The following SCAF4 variants were observed in gnomAD, a reference collection of about 807,000 sequenced individuals.
SCAF4 encodes the protein SR-related CTD associated factor 4.
In SCAF4, 25 loss-of-function variants were observed where a neutral mutation model predicts 129.8. The observed-to-expected ratio is 0.19, with a 90% CI of 0.14 to 0.27. The LOEUF (loss-of-function observed/expected upper bound fraction) is 0.27. Among genes scored for constraint, SCAF4 ranks in the 10% least tolerant of loss-of-function variants. SCAF4 has a pLI of 1.00. For missense variants in SCAF4, 1,246 were observed against 1,457.1 expected (o/e 0.86, Z 2.36); for synonymous variants, 551 against 497.7 (o/e 1.11, Z -1.43).
intron 1 of SCAF4, among the ~76,000 whole-genome samples, chr21:31,722,869 C>A (rs948562703): frequency 6.6e-6 from 1 of 152,272 alleles, no homozygotes; most frequent in Admixed American, 6.5e-5. Context: ...AAGGAAACCG[C>A]TTGAACCCAG....
At chr21:31,726,100 C>T (rs1334968115) in intron 1 of SCAF4, among the ~76,000 whole-genome samples, 2 of 150,882 alleles carry the variant, frequency 1.3e-5, no homozygotes, top group African/African-American at 4.9e-5. Context: ...GGCTGGAGTG[C>T]AGTGGCGCGA....
intron 6 of SCAF4, among the ~76,000 whole-genome samples, chr21:31,701,395 T>A (rs1415237883): frequency 1.3e-5 from 2 of 152,166 alleles, no homozygotes; most frequent in Admixed American, 6.5e-5. Context: ...ATGTCAATGA[T>A]ATGATGGTCA....
chr21:31,732,035 G>C lies in SCAF4; in HGVS notation c.-343C>G, dbSNP rs571902172. ...CTCACGCACTGGCTCACACTGGCCC[G>C]GCCGGCGAGCGGGCGGGCCTCTCTC... On this transcript the variant is annotated 5_prime_UTR_variant, in exon 1 of 20. Transcript: ENST00000286835. 704 of 432,914 alleles carry C rather than the reference G, an allele frequency of 1.6e-3. 2 individuals carry two copies. Among genetic ancestry groups the C allele is most frequent in the Middle Eastern group, 4.6e-3 (8 of 1,734 alleles). 26.8% of individuals were successfully genotyped at this position (432,914 alleles called of 1,614,324 possible). A position where few individuals can be genotyped will look rare whatever the true frequency, so the allele number is the denominator to read the frequency against.
intron 1 of SCAF4, among the ~76,000 whole-genome samples, chr21:31,720,656 C>T: frequency 6.6e-6 from 1 of 152,188 alleles, no homozygotes. Context: ...CGCCAAACTT[C>T]TCTAGTTTCC....
chr21:31,692,545 C>T, intron 12 of SCAF4, 96 bp from the exon 13 acceptor site: 4 of 768,520 alleles, frequency 5.2e-6, no homozygotes, highest in Non-Finnish European at 6.4e-6. Context: ...TATTCATGAA[C>T]TATATTACAA....
At chr21:31,696,414 A>G (rs906015939) in intron 8 of SCAF4, among the ~76,000 whole-genome samples, 155 bp downstream of exon 8, 1 of 152,206 alleles carries the variant, frequency 6.6e-6, no homozygotes, top group Admixed American at 6.5e-5. Context: ...TTTAAATCTT[A>G]AGAGGATCCC....
At chr21:31,708,634 A>C (rs1489471167) in intron 1 of SCAF4, among the ~76,000 whole-genome samples, 1 of 152,134 alleles carries the variant, frequency 6.6e-6, no homozygotes, top group African/African-American at 2.4e-5. Context: ...AAACAAAAAC[A>C]AAAACCCATA....
chr21:31,676,810 C>T (rs1354643569), intron 19 of SCAF4, among the ~76,000 whole-genome samples: 1 of 151,938 alleles, frequency 6.6e-6, no homozygotes, highest in Non-Finnish European at 1.5e-5. Flanking sequence ...TTTTTATTAC[C>T]CTAAAAGGAA....
At chr21:31,704,475 T>G (rs958573302) in intron 3 of SCAF4, among the ~76,000 whole-genome samples, 3 of 151,808 alleles carry the variant, frequency 2.0e-5, no homozygotes, top group Non-Finnish European at 2.9e-5. Context: ...AGAAGACAAT[T>G]TAGCAATAAA....
chr21:31,688,163 TA>T (rs2050174220), intron 16 of SCAF4, 143 bp downstream of exon 16: 1 of 309,326 alleles, frequency 3.2e-6, no homozygotes, highest in Non-Finnish European at 5.2e-6. Flanking sequence ...ATATAAAATT[TA>T]AATCTGATAA....
In SCAF4 at chr21:31,694,972, A is replaced by T; in HGVS notation, c.1077T>A (p.Leu359=). The change falls in exon 10 of 20, where the codon CTT becomes CTA. Residue 359 remains leucine, a synonymous_variant. Transcript: ENST00000286835. ...ATCCTGGCATTTGTCCATTAGGAGG[A>T]AGTGGAACCTTTCATTTTTAAAGAA... ...QQDPMHHQVP[L]PPNGQMPGFG... The T allele has an allele frequency of 1.2e-6, 2 of 1,612,986 alleles. No individual in the cohort carries two copies. Among genetic ancestry groups the T allele is most frequent in the Non-Finnish European group, 1.7e-6 (2 of 1,179,472 alleles).
At chr21:31,676,590 A>C (rs1275946001) in intron 19 of SCAF4, among the ~76,000 whole-genome samples, 1 of 152,158 alleles carries the variant, frequency 6.6e-6, no homozygotes, top group Non-Finnish European at 1.5e-5. Flanking sequence ...CCAGTAATCT[A>C]ACATTTTCCT....
chr21:31,713,294 T>C (rs1339628833), intron 1 of SCAF4, among the ~76,000 whole-genome samples: 1 of 152,208 alleles, frequency 6.6e-6, no homozygotes, highest in Non-Finnish European at 1.5e-5. Context: ...GGCTCAATAA[T>C]AACTGCCCGA....
At chr21:31,712,524 TC>T (rs2050825659) in intron 1 of SCAF4, among the ~76,000 whole-genome samples, 1 of 136,916 alleles carries the variant, frequency 7.3e-6, no homozygotes, top group Admixed American at 7.3e-5. Context: ...GGCCTGATTC[TC>T]CCTTTTTTTT....
chr21:31,671,341 C>T lies in SCAF4; in HGVS notation c.*58G>A. On this transcript the variant is annotated 3_prime_UTR_variant, in exon 20 of 20. Coordinates refer to ENST00000286835, the MANE Select transcript of SCAF4 (RefSeq NM_020706.2). Reference sequence around the variant, plus strand: ...GAGCGGATATAATACAGCATCTGTACACCTCAAGCTCTACACTCCAGGAAG... The same window carrying T: ...GAGCGGATATAATACAGCATCTGTATACCTCAAGCTCTACACTCCAGGAAG... 6.4e-7 allele frequency: 1 copy of T among 1,559,548 alleles called. No homozygotes were observed. Among genetic ancestry groups the T allele is most frequent in the Non-Finnish European group, 8.7e-7 (1 of 1,152,192 alleles).
intron 1 of SCAF4, among the ~76,000 whole-genome samples, chr21:31,716,559 T>C (rs907380955): frequency 6.6e-5 from 10 of 152,230 alleles, no homozygotes; most frequent in Admixed American, 2.6e-4. Flanking sequence ...TAGCAACACA[T>C]AGACACTGTA....
intron 1 of SCAF4, among the ~76,000 whole-genome samples, chr21:31,719,374 A>G (rs2051016267): frequency 6.6e-6 from 1 of 152,096 alleles, no homozygotes; most frequent in Non-Finnish European, 1.5e-5. Flanking sequence ...ATTATTTTTC[A>G]CTCTTTAATT....
chr21:31,723,174 A>G (rs920445899), intron 1 of SCAF4, among the ~76,000 whole-genome samples: 1 of 152,198 alleles, frequency 6.6e-6, no homozygotes, highest in African/African-American at 2.4e-5. Flanking sequence ...TCTGGTTGTA[A>G]CTGTCTACCG....
chr21:31,690,387 AAGG>A (rs1349674661), intron 15 of SCAF4, among the ~76,000 whole-genome samples: 6 of 152,180 alleles, frequency 3.9e-5, no homozygotes, highest in Non-Finnish European at 8.8e-5. Context: ...CGGGAGACTG[AAGG>A]AGGAGAGTGG....
Sources: allele counts gnomAD v4.1 joint callset (sites outside exome capture counted in the v4.1 genomes callset), GRCh38; gene constraint gnomAD v4.1.1; transcripts MANE v1.5; gene names NCBI Gene and HGNC (gene_info 2026-07-23, HGNC 2026-07-21).